Variants in DLGAP1 observed in about 807,000 individuals in gnomAD.
The protein encoded by DLGAP1 is disks large-associated protein 1.
A neutral mutation model predicts 90.8 loss-of-function variants in DLGAP1; 11 were observed. That is an observed-to-expected ratio of 0.12 (90% CI 0.08 to 0.20). The LOEUF (loss-of-function observed/expected upper bound fraction) is 0.20. DLGAP1 is among the 10% of genes least tolerant of loss of function. DLGAP1 has a pLI of 1.00. For missense variants in DLGAP1, 1,050 were observed against 1,333.8 expected, an observed-to-expected ratio of 0.79 and a Z score of 3.31; for synonymous variants, 558 against 540.7, an observed-to-expected ratio of 1.03 and a Z score of -0.44.
chr18:4,414,589 G>A (rs1209674890), intron 1 of DLGAP1, among the ~76,000 whole-genome samples: 1 of 152,034 alleles, frequency 6.6e-6, no homozygotes, highest in Non-Finnish European at 1.5e-5. Context: ...AGCCAGGCAT[G>A]GTGGCACACA....
At chr18:3,631,617 T>C (rs983958256) in intron 7 of DLGAP1, among the ~76,000 whole-genome samples, 1 of 152,016 alleles carries the variant, frequency 6.6e-6, no homozygotes, top group Middle Eastern at 3.4e-3. Context: ...CATGGTGGCG[T>C]GTGCCTATAG....
chr18:3,582,753 C>T (rs2055597828), intron 7 of DLGAP1, among the ~76,000 whole-genome samples: 1 of 151,990 alleles, frequency 6.6e-6, no homozygotes, highest in Non-Finnish European at 1.5e-5. Flanking sequence ...ATAACAAGGA[C>T]GAGGTGTCTG....
intron 4 of DLGAP1, among the ~76,000 whole-genome samples, chr18:3,837,816 C>T (rs1428004782): frequency 1.7e-5 from 2 of 120,844 alleles, no homozygotes; most frequent in Non-Finnish European, 3.2e-5. Context: ...CAAGCCACTG[C>T]ACTCCAGCCT....
chr18:4,086,928 TATGTGTTTTGA>T (rs1305441624), intron 2 of DLGAP1, among the ~76,000 whole-genome samples: 1 of 151,416 alleles, frequency 6.6e-6, no homozygotes, highest in Non-Finnish European at 1.5e-5. Context: ...GTTTTTGCTT[TATGTGTTTTGA>T]AGATGTGTTG....
intron 7 of DLGAP1, among the ~76,000 whole-genome samples, chr18:3,583,367 T>C (rs2055684192): frequency 6.6e-6 from 1 of 151,978 alleles, no homozygotes; most frequent in Non-Finnish European, 1.5e-5. Flanking sequence ...CGTCTCCCTC[T>C]TTCTTGTCTT....
At chr18:3,906,259 T>G (rs574004843) in intron 3 of DLGAP1, among the ~76,000 whole-genome samples, 8 of 152,370 alleles carry the variant, frequency 5.3e-5, no homozygotes, top group Non-Finnish European at 1.2e-4. Context: ...TGTCTTCACT[T>G]CTGCTTTGTC....
rs973118292 is a variant in DLGAP1, at chr18:4,261,468, C to A, written c.-266-110181G>T. Among the ~76,000 whole-genome samples the A allele has an allele frequency of 1.3e-4, 20 of 152,064 alleles. 1 individual carries two copies. The highest frequency in any genetic ancestry group is 8.8e-5 in the Non-Finnish European group (6 of 68,022). On this transcript the variant is annotated intron_variant, in intron 1 of 12. Coordinates refer to ENST00000315677, the MANE Select transcript of DLGAP1 (RefSeq NM_004746.4). ...GCTACTATTCTTCCCCTTGAAGTGC[C>A]CTTTTACCTCTGCTTTTCTTCTTCA...
intron 3 of DLGAP1, chr18:3,978,397 G>A: frequency 3.1e-6 from 1 of 323,062 alleles, no homozygotes; most frequent in Non-Finnish European, 6.1e-6. Flanking sequence ...GATGAGTGAT[G>A]CAGTTTCCAT....
intron 7 of DLGAP1, among the ~76,000 whole-genome samples, chr18:3,633,431 A>G (rs953740889): frequency 1.3e-5 from 2 of 151,068 alleles, no homozygotes; most frequent in Admixed American, 6.6e-5. Flanking sequence ...CCTAAACTGA[A>G]GATCAAGCTG....
intron 7 of DLGAP1, among the ~76,000 whole-genome samples, chr18:3,708,181 C>T (rs915014675): frequency 1.3e-4 from 20 of 151,904 alleles, no homozygotes; most frequent in African/African-American, 4.4e-4. Flanking sequence ...AATTTTTGTA[C>T]TTTTCAGGAG....
At chr18:4,068,342 CTATAT>C (rs1442632208) in intron 2 of DLGAP1, among the ~76,000 whole-genome samples, 5 of 151,418 alleles carry the variant, frequency 3.3e-5, no homozygotes, top group Non-Finnish European at 5.9e-5. Context: ...AAATTTTAAA[CTATAT>C]TATAATGTTA....
chr18:3,706,044 C>T (rs570897257), intron 7 of DLGAP1, among the ~76,000 whole-genome samples: 22 of 148,800 alleles, frequency 1.5e-4, no homozygotes, highest in Non-Finnish European at 2.5e-4. Flanking sequence ...ATCGCCCAGG[C>T]TGGATTGCCC....
At chr18:4,219,027 GTTTTTT>G (rs34333673) in intron 1 of DLGAP1, among the ~76,000 whole-genome samples, 18 of 92,014 alleles carry the variant, frequency 2.0e-4, no homozygotes, top group African/African-American at 6.2e-4. Flanking sequence ...TTCTATCTTT[GTTTTTT>G]TTTTTTTTTT....
intron 4 of DLGAP1, among the ~76,000 whole-genome samples, chr18:3,836,266 A>C: frequency 6.6e-6 from 1 of 152,154 alleles, no homozygotes; most frequent in African/African-American, 2.4e-5. Context: ...TCACTTTCCT[A>C]CTCAGAATAG....
intron 2 of DLGAP1, among the ~76,000 whole-genome samples, chr18:4,129,272 A>ATTCTCTGT (rs11282254): frequency 7.9e-5 from 12 of 151,694 alleles, no homozygotes; most frequent in South Asian, 2.1e-4. Flanking sequence ...ACCTTTAAAG[A>ATTCTCTGT]TTAAGAGAAA....
chr18:4,083,102 A>G (rs11661443), intron 2 of DLGAP1, among the ~76,000 whole-genome samples: 89,332 of 151,966 alleles, frequency 0.59, 26,992 homozygotes, highest in Non-Finnish European at 0.64. Flanking sequence ...AGAGATAAAT[A>G]TACATGTGAT....
chr18:3,984,416 CACTG>C (rs1201400380), intron 3 of DLGAP1, among the ~76,000 whole-genome samples: 7 of 152,302 alleles, frequency 4.6e-5, no homozygotes, highest in Non-Finnish European at 7.4e-5. Context: ...CCCAAGTCTG[CACTG>C]ACTAAGTCTC....
In DLGAP1 at chr18:3,574,403, A is replaced by G. The variant is rs749193303; in HGVS notation, c.1966-6822T>C. On this transcript the variant is annotated intron_variant, in intron 8 of 12. Coordinates refer to ENST00000315677, the MANE Select transcript of DLGAP1 (RefSeq NM_004746.4). ...TGGCCACAGCCCATAGTGGTGATTTATAGGATTCCTGCTGTCATTTATTTC... is the reference window on the plus strand; with the variant it reads ...TGGCCACAGCCCATAGTGGTGATTTGTAGGATTCCTGCTGTCATTTATTTC... Among the ~76,000 whole-genome samples, 83 of 152,228 alleles carry G rather than the reference A, an allele frequency of 5.5e-4. 1 individual carries two copies. Among genetic ancestry groups the G allele is most frequent in the Non-Finnish European group, 8.8e-4 (60 of 68,034 alleles).
intron 7 of DLGAP1, among the ~76,000 whole-genome samples, chr18:3,657,662 G>A (rs565268521): frequency 6.5e-4 from 98 of 150,722 alleles, no homozygotes; most frequent in Non-Finnish European, 1.0e-3. Flanking sequence ...GAGTGCAGTG[G>A]CGCGATCTCG....
Sources: allele counts gnomAD v4.1 joint callset (sites outside exome capture counted in the v4.1 genomes callset), GRCh38; gene constraint gnomAD v4.1.1; transcripts MANE v1.5; gene names NCBI Gene and HGNC (gene_info 2026-07-23, HGNC 2026-07-21).